The following KCTD8 variants were observed in gnomAD, a reference collection of about 807,000 sequenced individuals.
KCTD8 encodes BTB/POZ domain-containing protein KCTD8.
KCTD8 carries 27 observed loss-of-function variants against 31.5 expected under a neutral mutation model. That is an observed-to-expected ratio of 0.86 (90% CI 0.63 to 1.18). The LOEUF (loss-of-function observed/expected upper bound fraction) is 1.18. Among genes scored for constraint, KCTD8 ranks in the 50% most tolerant of loss-of-function variants. The probability of loss-of-function intolerance (pLI) is 0.00; values close to 1 mark genes in which losing one functional copy is unlikely to be tolerated. For synonymous variants in KCTD8, 290 were observed against 280.0 expected, an observed-to-expected ratio of 1.04 and a Z score of -0.36; for missense variants, 658 against 647.7, an observed-to-expected ratio of 1.02 and a Z score of -0.17.
At chr4:44,421,503 C>T (rs992746447) in intron 1 of KCTD8, among the ~76,000 whole-genome samples, 5 of 152,012 alleles carry the variant, frequency 3.3e-5, no homozygotes, top group African/African-American at 1.2e-4. Context: ...TTAACAAGAA[C>T]CCTAGGTGAT....
At chr4:44,370,297 T>G (rs927296989) in intron 1 of KCTD8, among the ~76,000 whole-genome samples, 31 of 152,176 alleles carry the variant, frequency 2.0e-4, no homozygotes, top group Admixed American at 2.0e-3. Flanking sequence ...ACATTTGAAA[T>G]GGGTGCTCTC....
chr4:44,357,505 T>C (rs1175816105), intron 1 of KCTD8, among the ~76,000 whole-genome samples: 1 of 152,196 alleles, frequency 6.6e-6, no homozygotes, highest in African/African-American at 2.4e-5. Flanking sequence ...ATTATAAGAA[T>C]ATTTCAGAGT....
intron 1 of KCTD8, among the ~76,000 whole-genome samples, chr4:44,183,751 GA>G (rs554378756): frequency 6.1e-5 from 9 of 147,052 alleles, no homozygotes; most frequent in South Asian, 4.3e-4. Flanking sequence ...CTGCACATTT[GA>G]AAAAAAAAAC....
At chr4:44,377,225 G>A (rs1191020379) in intron 1 of KCTD8, among the ~76,000 whole-genome samples, 1 of 152,070 alleles carries the variant, frequency 6.6e-6, no homozygotes, top group Non-Finnish European at 1.5e-5. Context: ...CCATACTCTG[G>A]CCAGCCCCAC....
At chr4:44,350,481 A>G (rs780641833) in intron 1 of KCTD8, among the ~76,000 whole-genome samples, 1 of 152,188 alleles carries the variant, frequency 6.6e-6, no homozygotes, top group Non-Finnish European at 1.5e-5. Context: ...GTCAGTGTAT[A>G]TATTTGTCTA....
chr4:44,269,998 C>G (rs1716530436), intron 1 of KCTD8, among the ~76,000 whole-genome samples: 1 of 152,050 alleles, frequency 6.6e-6, no homozygotes, highest in South Asian at 2.1e-4. Context: ...CCTCAGGGAT[C>G]TAGAACTAGA....
At chr4:44,431,594 A>T (rs1032647324) in intron 1 of KCTD8, among the ~76,000 whole-genome samples, 1 of 151,550 alleles carries the variant, frequency 6.6e-6, no homozygotes, top group African/African-American at 2.4e-5. Flanking sequence ...ACAACAACAA[A>T]AAAAACCTTA....
intron 1 of KCTD8, among the ~76,000 whole-genome samples, chr4:44,286,455 T>C (rs535548446): frequency 4.1e-4 from 62 of 152,272 alleles, no homozygotes; most frequent in African/African-American, 1.4e-3. Context: ...TGCTGTTGCC[T>C]CTACCTTCAA....
chr4:44,370,323 T>G (rs988936183), intron 1 of KCTD8, among the ~76,000 whole-genome samples: 2 of 152,174 alleles, frequency 1.3e-5, no homozygotes, highest in Admixed American at 1.3e-4. Context: ...TTTGGGAAGA[T>G]AAAATATTTC....
intron 1 of KCTD8, among the ~76,000 whole-genome samples, chr4:44,262,249 A>C (rs1049444207): frequency 6.6e-6 from 1 of 152,052 alleles, no homozygotes; most frequent in Non-Finnish European, 1.5e-5. Flanking sequence ...GCTTGATTAC[A>C]GTGGGTCCAA....
chr4:44,180,519 C>G (rs1713347518), intron 1 of KCTD8, among the ~76,000 whole-genome samples: 1 of 151,960 alleles, frequency 6.6e-6, no homozygotes, highest in South Asian at 2.1e-4. Flanking sequence ...ACTAGGAGAT[C>G]TGCAAACCAG....
intron 1 of KCTD8, among the ~76,000 whole-genome samples, chr4:44,366,403 A>T (rs1341983151): frequency 1.3e-5 from 2 of 152,092 alleles, no homozygotes. Context: ...TGATACTTTA[A>T]AAGTGTATGG....
chr4:44,241,978 T>C (rs765450847), intron 1 of KCTD8, among the ~76,000 whole-genome samples: 6 of 152,194 alleles, frequency 3.9e-5, no homozygotes, highest in Non-Finnish European at 7.3e-5. Flanking sequence ...CCCAAGGGGA[T>C]GTTATTGTTA....
At chr4:44,392,129 T>C (rs530460749) in intron 1 of KCTD8, among the ~76,000 whole-genome samples, 2 of 152,074 alleles carry the variant, frequency 1.3e-5, no homozygotes, top group East Asian at 1.9e-4. Flanking sequence ...GATCTTATTA[T>C]TTAGACTTAT....
chr4:44,367,771 A>G (rs1719679509), intron 1 of KCTD8, among the ~76,000 whole-genome samples: 1 of 152,092 alleles, frequency 6.6e-6, no homozygotes, highest in Admixed American at 6.6e-5. Flanking sequence ...TGTATAAAAT[A>G]TAGCAAATGA....
intron 1 of KCTD8, among the ~76,000 whole-genome samples, chr4:44,278,545 T>A (rs1716813915): frequency 6.6e-6 from 1 of 152,062 alleles, no homozygotes; most frequent in African/African-American, 2.4e-5. Context: ...TGAAATAGTT[T>A]AGAAACTGTA....
chr4:44,207,618 G>A (rs1560394913), intron 1 of KCTD8, among the ~76,000 whole-genome samples: 1 of 152,062 alleles, frequency 6.6e-6, no homozygotes, highest in African/African-American at 2.4e-5. Context: ...GTACAAAATA[G>A]GTTTTTCACC....
intron 1 of KCTD8, among the ~76,000 whole-genome samples, chr4:44,316,021 T>C (rs1253062561): frequency 6.6e-6 from 1 of 152,132 alleles, no homozygotes; most frequent in Non-Finnish European, 1.5e-5. Flanking sequence ...GACAAACTAG[T>C]GTTTCTCTAC....
intron 1 of KCTD8, among the ~76,000 whole-genome samples, chr4:44,424,245 C>G (rs1429492856): frequency 6.6e-6 from 1 of 151,952 alleles, no homozygotes; most frequent in African/African-American, 2.4e-5. Flanking sequence ...CACCACCATC[C>G]CCCAACACTT....
Sources: gnomAD v4.1 joint callset for allele counts (sites outside exome capture counted in the v4.1 genomes callset) on GRCh38, gnomAD v4.1.1 for gene constraint, MANE v1.5 for transcripts, NCBI Gene and HGNC (gene_info 2026-07-23, HGNC 2026-07-21) for gene names.